Variants in RAB30 observed in about 807,000 individuals in gnomAD.
The protein encoded by RAB30 is ras-related protein Rab-30.
In RAB30, 9 loss-of-function variants were observed where a neutral mutation model predicts 25.1. That is an observed-to-expected ratio of 0.36 (90% CI 0.22 to 0.63). The LOEUF is 0.63. Ranked by LOEUF, RAB30 falls within the 20% of genes least tolerant of loss-of-function variation. RAB30 has a pLI of 0.69. For missense variants in RAB30, 140 were observed against 243.5 expected, an observed-to-expected ratio of 0.58 and a Z score of 2.83; for synonymous variants, 77 against 86.4, an observed-to-expected ratio of 0.89 and a Z score of 0.60.
At chr11:83,018,483 ATCT>A (rs1163642469) in intron 1 of RAB30, among the ~76,000 whole-genome samples, 1 of 152,120 alleles carries the variant, frequency 6.6e-6, no homozygotes, top group Non-Finnish European at 1.5e-5. Flanking sequence ...CCATTTGTAT[ATCT>A]TCTTCTGAGA....
intron 1 of RAB30, among the ~76,000 whole-genome samples, chr11:83,037,647 G>T (rs551138926): frequency 6.6e-6 from 1 of 152,250 alleles, no homozygotes; most frequent in South Asian, 2.1e-4. Flanking sequence ...GAACAACTGG[G>T]TAGAGAGTGG....
rs543765155 is a variant in RAB30, at chr11:83,061,263, T to G, written c.-9+10428A>C. ...CCCTCTCTCTCTGTCTATCCATCCA[T>G]CAATCCATCCATCCATCCTATTGGT... On this transcript the variant is annotated intron_variant, in intron 1 of 4. Transcript: ENST00000527633. Among the ~76,000 whole-genome samples the G allele has an allele frequency of 3.3e-5, 5 of 152,202 alleles. No individual in the cohort carries two copies. In the East Asian group the frequency reaches 7.7e-4, roughly 23 times the overall value.
chr11:83,048,629 T>A (rs1360776211), intron 1 of RAB30, among the ~76,000 whole-genome samples: 7 of 152,236 alleles, frequency 4.6e-5, no homozygotes, highest in African/African-American at 1.7e-4. Context: ...GCCCCTCTGC[T>A]GACCTTTCTA....
intron 1 of RAB30, among the ~76,000 whole-genome samples, chr11:83,060,750 A>G (rs1858554368): frequency 6.6e-6 from 1 of 152,232 alleles, no homozygotes; most frequent in African/African-American, 2.4e-5. Context: ...AGAAATACCT[A>G]GAAACCTAGT....
At chr11:83,032,641 G>A (rs1233079659) in intron 1 of RAB30, among the ~76,000 whole-genome samples, 1 of 152,134 alleles carries the variant, frequency 6.6e-6, no homozygotes, top group East Asian at 1.9e-4. Flanking sequence ...CAATTTTTAT[G>A]TTCTTCTTTA....
intron 1 of RAB30, among the ~76,000 whole-genome samples, chr11:83,007,549 G>A (rs1857210771): frequency 6.6e-6 from 1 of 152,158 alleles, no homozygotes. Flanking sequence ...ATTAACCCAA[G>A]CAAACACCTG....
At chr11:83,028,657 G>A (rs1319392867) in intron 1 of RAB30, among the ~76,000 whole-genome samples, 3 of 152,108 alleles carry the variant, frequency 2.0e-5, no homozygotes, top group Admixed American at 6.5e-5. Flanking sequence ...AAAATCTGAA[G>A]GAAAATGATT....
At chr11:83,061,844 T>C (rs186796987) in intron 1 of RAB30, among the ~76,000 whole-genome samples, 56 of 151,798 alleles carry the variant, frequency 3.7e-4, no homozygotes, top group Admixed American at 3.4e-3. Flanking sequence ...GTGCCTGGCT[T>C]CACTGTACTA....
At chr11:83,000,180 C>G (rs987804592) in intron 1 of RAB30, among the ~76,000 whole-genome samples, 12 of 152,330 alleles carry the variant, frequency 7.9e-5, no homozygotes, top group Non-Finnish European at 1.5e-4. Flanking sequence ...ACTAGTGGAG[C>G]TGAGATTCAT....
Position 82,974,750 on chromosome 11 carries a change from G to A in RAB30, c.*7415C>T, listed in dbSNP as rs985116212. The stretch of plus-strand genomic sequence containing the variant: ...GGATTCTCTAAGTCTTCATAAAGCA[G>A]CTTCTCTAAATATTTTAACTAGCTG... On this transcript the variant is annotated 3_prime_UTR_variant, in exon 5 of 5. Transcript: ENST00000527633. 1 of 151,984 alleles carries A rather than the reference G, an allele frequency of 6.6e-6. No homozygotes were observed. The highest frequency in any genetic ancestry group is 1.9e-4 in the East Asian group (1 of 5,194). The allele number at this position is 151,984 out of a possible 1,614,324, so 9.4% of individuals were successfully genotyped here. A position where few individuals can be genotyped will look rare whatever the true frequency, so the allele number is the denominator to read the frequency against.
In RAB30 at chr11:83,071,704, T is replaced by G. The variant is rs1233464119; in HGVS notation, c.-22A>C. On this transcript the variant is annotated 5_prime_UTR_variant, in exon 1 of 5. Transcript: ENST00000527633. ...ACTTCAACTCACCTGGTTTGGGATT[T>G]TTCTCCCCACCCCAGGCATAAACAG... 2 of 182,416 alleles carry G rather than the reference T, an allele frequency of 1.1e-5. No individual in the cohort carries two copies. Among genetic ancestry groups the G allele is most frequent in the Non-Finnish European group, 2.3e-5 (2 of 88,666 alleles). 11.3% of individuals were successfully genotyped at this position (182,416 alleles called of 1,614,324 possible).
chr11:83,048,130 T>C (rs1858273186), intron 1 of RAB30, among the ~76,000 whole-genome samples: 2 of 152,044 alleles, frequency 1.3e-5, no homozygotes, highest in South Asian at 4.1e-4. Context: ...GTATGCCCAG[T>C]AATGACATGG....
At chr11:83,055,987 C>T (rs981767450) in intron 1 of RAB30, among the ~76,000 whole-genome samples, 2 of 152,184 alleles carry the variant, frequency 1.3e-5, no homozygotes, top group African/African-American at 2.4e-5. Context: ...GCTATAGTAG[C>T]ACAAATGGAC....
intron 1 of RAB30, among the ~76,000 whole-genome samples, chr11:83,014,688 AAGAAAG>A (rs1395043949): frequency 2.5e-4 from 34 of 137,932 alleles, no homozygotes; most frequent in African/African-American, 5.8e-4. Context: ...GAAAGAAAGA[AAGAAAG>A]AGAAAGGAAG....
chr11:83,063,827 A>G (rs1035108828), intron 1 of RAB30, among the ~76,000 whole-genome samples: 3 of 152,222 alleles, frequency 2.0e-5, no homozygotes, highest in African/African-American at 7.2e-5. Flanking sequence ...TCATAATAAA[A>G]TGAGGTACTC....
In RAB30 at chr11:82,980,977, T is replaced by A. The variant is rs567017062; in HGVS notation, c.*1188A>T. On this transcript the variant is annotated 3_prime_UTR_variant, in exon 5 of 5. Coordinates refer to ENST00000527633, the MANE Select transcript of RAB30 (RefSeq NM_001286060.2). ...GGGATAAATGACAGTTCAATCTGCT[T>A]CCACGAGCAGAATTTTTCTAAGGTT... The A allele has an allele frequency of 1.3e-5, 2 of 152,294 alleles. No individual in the cohort carries two copies. Among genetic ancestry groups the A allele is most frequent in the South Asian group, 2.1e-4 (1 of 4,826 alleles). 9.4% of individuals were successfully genotyped at this position (152,294 alleles called of 1,614,324 possible). A position where few individuals can be genotyped will look rare whatever the true frequency, so the allele number is the denominator to read the frequency against.
At chr11:83,030,077 T>C (rs1379672109) in intron 1 of RAB30, among the ~76,000 whole-genome samples, 2 of 152,110 alleles carry the variant, frequency 1.3e-5, no homozygotes, top group Admixed American at 6.6e-5. Context: ...AAAGACTACA[T>C]ACTGAGTAGG....
rs1381762996 is a variant in RAB30, at chr11:82,979,586, C to G, written c.*2579G>C. The G allele has an allele frequency of 6.6e-6, 1 of 152,114 alleles. No homozygotes were observed. Among genetic ancestry groups the G allele is most frequent in the Non-Finnish European group, 1.5e-5 (1 of 68,040 alleles). 9.4% of individuals were successfully genotyped at this position (152,114 alleles called of 1,614,324 possible). ...TTCTGTTTAATCAAAAAAAGCTCCC[C>G]CAACCACTACCACCCCACCTTGGCA... On this transcript the variant is annotated 3_prime_UTR_variant, in exon 5 of 5. Transcript: ENST00000527633.
At chr11:82,990,398 CA>C (rs1223412644) in intron 3 of RAB30, among the ~76,000 whole-genome samples, 1 of 152,170 alleles carries the variant, frequency 6.6e-6, no homozygotes, top group Non-Finnish European at 1.5e-5. Flanking sequence ...AGGAACTGGT[CA>C]ATTCTACTTA....
Sources: gnomAD v4.1 joint callset for allele counts (sites outside exome capture counted in the v4.1 genomes callset) on GRCh38, gnomAD v4.1.1 for gene constraint, MANE v1.5 for transcripts, NCBI Gene and HGNC (gene_info 2026-07-23, HGNC 2026-07-21) for gene names.